Variants in TEKTIP1 observed in about 807,000 individuals in gnomAD.
TEKTIP1 encodes the protein tektin bundle-interacting protein 1.
chr19:3,541,426 G>A, the TEKTIP1 span, among the ~76,000 whole-genome samples: 17 of 149,524 alleles, frequency 1.1e-4, no homozygotes, highest in Admixed American at 6.7e-4. Context: ...GGGTTCTAGC[G>A]ATTCTCCTGC....
At chr19:3,543,322 C>T in the TEKTIP1 span, 55 of 1,549,346 alleles carry the variant, frequency 3.5e-5, no homozygotes, top group African/African-American at 3.8e-4. Context: ...TGGGACGGGA[C>T]GCAGCCGGCC....
the TEKTIP1 span, chr19:3,542,803 C>T: frequency 2.9e-6 from 4 of 1,371,436 alleles, no homozygotes; most frequent in African/African-American, 4.4e-5. Context: ...CCAGTCTTCC[C>T]TGGGCCATGG....
At chr19:3,543,647 T>C in the TEKTIP1 span, 1 of 1,543,704 alleles carries the variant, frequency 6.5e-7, no homozygotes, top group Non-Finnish European at 8.7e-7. Context: ...GAGCGCGCTG[T>C]GGAAAGACAG....
chr19:3,543,118 G>T, the TEKTIP1 span: 35 of 1,522,146 alleles, frequency 2.3e-5, no homozygotes, highest in East Asian at 2.7e-4. Context: ...TGGCGAGGGA[G>T]GGAGACCCCA....
At chr19:3,543,026 T>G in the TEKTIP1 span, 3 of 1,605,680 alleles carry the variant, frequency 1.9e-6, no homozygotes, top group Non-Finnish European at 2.6e-6. Flanking sequence ...GGGTGCGATG[T>G]GTGGGGAGAG....
chr19:3,543,879 T>C, the TEKTIP1 span: 2 of 1,550,410 alleles, frequency 1.3e-6, no homozygotes, highest in Admixed American at 3.9e-5. Context: ...GGCATCAGAC[T>C]ACGTGCCCTC....
At chr19:3,539,183 A>G in the TEKTIP1 span, 4 of 1,550,110 alleles carry the variant, frequency 2.6e-6, no homozygotes, top group East Asian at 7.3e-5. Flanking sequence ...CAGACATGCA[A>G]ACCCTCAGGC....
At chr19:3,540,520 TG>T in the TEKTIP1 span, among the ~76,000 whole-genome samples, 1 of 151,192 alleles carries the variant, frequency 6.6e-6, no homozygotes, top group Admixed American at 6.6e-5. Context: ...CCTCCCAAAG[TG>T]CTGGGATTAC....
the TEKTIP1 span, among the ~76,000 whole-genome samples, chr19:3,541,426 G>C: frequency 4.0e-5 from 6 of 149,408 alleles, no homozygotes; most frequent in African/African-American, 1.5e-4. Context: ...GGGTTCTAGC[G>C]ATTCTCCTGC....
the TEKTIP1 span, chr19:3,541,525 G>C: frequency 3.3e-5 from 9 of 268,798 alleles, 1 homozygote; most frequent in Admixed American, 7.1e-5. Flanking sequence ...GTTTCACCAT[G>C]TTGGCCAGGC....
At chr19:3,539,594 T>C in the TEKTIP1 span, 4 of 307,128 alleles carry the variant, frequency 1.3e-5, no homozygotes, top group Non-Finnish European at 2.4e-5. Flanking sequence ...TGAGAGAGTC[T>C]GTCCCACACC....
At chr19:3,542,348 G>A in the TEKTIP1 span, 4 of 985,414 alleles carry the variant, frequency 4.1e-6, no homozygotes, top group Non-Finnish European at 4.8e-6. Flanking sequence ...GGCTTTCCGT[G>A]CAGGGCAGAT....
the TEKTIP1 span, chr19:3,542,406 T>C: frequency 1.0e-6 from 1 of 985,296 alleles, no homozygotes; most frequent in Admixed American, 6.1e-5. Context: ...AGCAACCTTG[T>C]TTTCTGGGAT....
the TEKTIP1 span, chr19:3,543,070 T>G: frequency 6.3e-7 from 1 of 1,591,336 alleles, no homozygotes; most frequent in Non-Finnish European, 8.5e-7. Context: ...GCACCCACTC[T>G]GGGGTGAGGG....
At chr19:3,543,958 G>T in the TEKTIP1 span, 4 of 1,550,368 alleles carry the variant, frequency 2.6e-6, no homozygotes, top group Non-Finnish European at 3.5e-6. Flanking sequence ...GAACCATACT[G>T]CCCCTCCACC....
At chr19:3,541,613 A>C in the TEKTIP1 span, 2 of 982,838 alleles carry the variant, frequency 2.0e-6, no homozygotes, top group Non-Finnish European at 2.4e-6. Context: ...GAGCCACCGC[A>C]CCCAGTGCAA....
At chr19:3,540,029 A>T in the TEKTIP1 span, 1 of 151,230 alleles carries the variant, frequency 6.6e-6, no homozygotes, top group Non-Finnish European at 1.5e-5. Context: ...AGACAGGAGG[A>T]TCACTTGAGC....
At chr19:3,541,341 A>C in the TEKTIP1 span, among the ~76,000 whole-genome samples, 4 of 151,642 alleles carry the variant, frequency 2.6e-5, no homozygotes, top group Non-Finnish European at 5.9e-5. Flanking sequence ...CTCAAAAAAA[A>C]AAAGAGGGTC....
At chr19:3,543,209 AG>A in the TEKTIP1 span, 4 of 1,535,704 alleles carry the variant, frequency 2.6e-6, no homozygotes, top group African/African-American at 2.7e-5. Context: ...ACATGGGCTC[AG>A]TCTCTGCCCC....
Sources: allele counts gnomAD v4.1 joint callset (sites outside exome capture counted in the v4.1 genomes callset), GRCh38; gene constraint gnomAD v4.1.1; transcripts MANE v1.5; gene names NCBI Gene and HGNC (gene_info 2026-07-23, HGNC 2026-07-21).